The following PARD6B variants were observed in gnomAD, a reference collection of about 807,000 sequenced individuals.
PARD6B encodes the protein par-6 family cell polarity regulator beta.
PARD6B carries 4 observed loss-of-function variants against 10.5 expected under a neutral mutation model. The observed-to-expected ratio is 0.38, with a 90% confidence interval of 0.19 to 0.87. The LOEUF is 0.87. PARD6B is among the 40% of genes least tolerant of loss of function. PARD6B has a pLI of 0.41. For missense variants in PARD6B, 396 were observed against 470.6 expected (o/e 0.84, Z 1.47); for synonymous variants, 169 against 170.4 (o/e 0.99, Z 0.07).
At position 50,752,486 on chromosome 20, in the gene PARD6B, A is replaced by G; in HGVS notation, c.*1998A>G. The G allele has an allele frequency of 1.0e-6, 1 of 985,628 alleles. No individual in the cohort carries two copies. Among genetic ancestry groups the G allele is most frequent in the South Asian group, 4.7e-5 (1 of 21,288 alleles). 61.1% of individuals were successfully genotyped at this position (985,628 alleles called of 1,614,324 possible). On this transcript the variant is annotated 3_prime_UTR_variant, in exon 3 of 3. Coordinates refer to ENST00000371610, the MANE Select transcript of PARD6B (RefSeq NM_032521.3). ...ACTTTCCAATGCATCCACTTAGAACAAGCTAAGAGTAAGGCTGCTAACTTT... is the reference window on the plus strand; with the variant it reads ...ACTTTCCAATGCATCCACTTAGAACGAGCTAAGAGTAAGGCTGCTAACTTT...
chr20:50,743,317 GAC>G (rs2087541200), intron 2 of PARD6B, among the ~76,000 whole-genome samples: 1 of 152,144 alleles, frequency 6.6e-6, no homozygotes, highest in Non-Finnish European at 1.5e-5. Context: ...ATTGACACCA[GAC>G]ACATATGTTT....
intron 1 of PARD6B, 85 bp downstream of exon 1, chr20:50,731,937 G>A (rs2087473470): frequency 4.2e-6 from 5 of 1,189,702 alleles, no homozygotes; most frequent in Non-Finnish European, 5.4e-6. Context: ...AGCGCCGGGG[G>A]AGGCGACGGG....
At chr20:50,739,869 G>T (rs2123701800) in intron 2 of PARD6B, among the ~76,000 whole-genome samples, 1 of 24,966 alleles carries the variant, frequency 4.0e-5, no homozygotes, top group Middle Eastern at 0.038. Flanking sequence ...TAGAGGGGAA[G>T]GGTGGGGGGA....
At chr20:50,741,556 TC>T (rs1355423277) in intron 2 of PARD6B, among the ~76,000 whole-genome samples, 1 of 152,050 alleles carries the variant, frequency 6.6e-6, no homozygotes, top group Non-Finnish European at 1.5e-5. Context: ...ATGCATGCAC[TC>T]TTTTTTTTGT....
chr20:50,741,512 A>G (rs1359937962), intron 2 of PARD6B, among the ~76,000 whole-genome samples: 1 of 152,068 alleles, frequency 6.6e-6, no homozygotes, highest in African/African-American at 2.4e-5. Flanking sequence ...AGGTCGCAGC[A>G]TCTAAATCTG....
chr20:50,744,016 CTG>C (rs940909791), intron 2 of PARD6B, among the ~76,000 whole-genome samples: 2 of 150,966 alleles, frequency 1.3e-5, no homozygotes, highest in Non-Finnish European at 1.5e-5. Flanking sequence ...CCTATTAAAA[CTG>C]TGTTCTAGTT....
At position 50,749,765 on chromosome 20, in the gene PARD6B, C is replaced by A. The variant is rs918694281; in HGVS notation, c.396C>A (p.Val132=). 6 of 1,614,050 alleles carry A rather than the reference C, an allele frequency of 3.7e-6. No individual in the cohort carries two copies. In the African/African-American group the frequency reaches 8.0e-5, roughly 22 times the overall value. The change falls in exon 3 of 3, where the codon GTC becomes GTA. Residue 132 remains valine (V), a synonymous_variant. Transcript: ENST00000371610. ...PDNHRKKPHI[V]ISMPQDFRPV... is the part of the protein sequence containing the mutation. ...ACCATAGAAAAAAGCCACATATAGT[C>A]ATTAGTATGCCCCAAGACTTTAGAC...
chr20:50,737,074 C>T, intron 1 of PARD6B, among the ~76,000 whole-genome samples: 1 of 151,806 alleles, frequency 6.6e-6, no homozygotes, highest in East Asian at 1.9e-4. Context: ...AAACAGACTT[C>T]AGAATCAGAA....
At chr20:50,735,858 G>C (rs1211895270) in intron 1 of PARD6B, among the ~76,000 whole-genome samples, 1 of 152,208 alleles carries the variant, frequency 6.6e-6, no homozygotes, top group Non-Finnish European at 1.5e-5. Context: ...TCATACATCA[G>C]GGGAAGTGAT....
rs11467364 is a variant in PARD6B, at chr20:50,751,350, CTTTTTTTTTT to C, written c.*876_*885del. 7 of 706,990 alleles carry C rather than the reference CTTTTTTTTTT, an allele frequency of 9.9e-6. No individual in the cohort carries two copies. Among genetic ancestry groups the C allele is most frequent in the Non-Finnish European group, 1.1e-5 (7 of 624,784 alleles). The allele number at this position is 706,990 out of a possible 1,614,324, so 43.8% of individuals were successfully genotyped here. On this transcript the variant is annotated 3_prime_UTR_variant, in exon 3 of 3. Coordinates refer to ENST00000371610, the MANE Select transcript of PARD6B (RefSeq NM_032521.3). Reference sequence around the variant, plus strand: ...ATTTCCAGTTTCTTTTCTTTTCTTTCTTTTTTTTTTTTTTTTTTTTTTTGAGATGGAGTCT... The same window carrying C: ...ATTTCCAGTTTCTTTTCTTTTCTTTCTTTTTTTTTTTTTGAGATGGAGTCT...
rs1600820916 is a variant in PARD6B at position 50,750,715 on chromosome 20, T to TA, written c.*228dup. 1 of 1,309,506 alleles carries TA rather than the reference T, an allele frequency of 7.6e-7. No homozygotes were observed. Among genetic ancestry groups the TA allele is most frequent in the South Asian group, 1.9e-5 (1 of 52,622 alleles). 81.1% of individuals were successfully genotyped at this position (1,309,506 alleles called of 1,614,324 possible). On this transcript the variant is annotated 3_prime_UTR_variant, in exon 3 of 3. Transcript: ENST00000371610. Reference sequence around the variant, plus strand: ...ACAAAGGGGCCTTTGCTGATGAAGTTACGTGCTTTTGCTGTTTTGTCTGTG... The same window carrying TA: ...ACAAAGGGGCCTTTGCTGATGAAGTTAACGTGCTTTTGCTGTTTTGTCTGTG...
intron 2 of PARD6B, among the ~76,000 whole-genome samples, chr20:50,740,009 A>G (rs1183325701): frequency 1.6e-5 from 1 of 64,160 alleles, no homozygotes; most frequent in East Asian, 7.0e-4. Flanking sequence ...CAGCTGGGAC[A>G]GTGTCATGAA....
intron 2 of PARD6B, among the ~76,000 whole-genome samples, chr20:50,748,064 C>T (rs967880180): frequency 3.9e-5 from 6 of 152,212 alleles, no homozygotes; most frequent in African/African-American, 1.4e-4. Context: ...TCCTGCTGGG[C>T]GAGGTGGCTC....
chr20:50,735,433 T>G (rs981413383), intron 1 of PARD6B, among the ~76,000 whole-genome samples: 1 of 152,190 alleles, frequency 6.6e-6, no homozygotes, highest in Non-Finnish European at 1.5e-5. Context: ...CATAGGCAAA[T>G]AGACTATGAA....
intron 1 of PARD6B, among the ~76,000 whole-genome samples, chr20:50,736,799 C>T (rs1212629524): frequency 6.6e-6 from 1 of 151,046 alleles, no homozygotes; most frequent in Non-Finnish European, 1.5e-5. Context: ...CTCCCAGATT[C>T]AAGAGAGTCT....
chr20:50,746,169 G>T (rs558343403), intron 2 of PARD6B, among the ~76,000 whole-genome samples: 12 of 152,032 alleles, frequency 7.9e-5, no homozygotes, highest in African/African-American at 2.9e-4. Flanking sequence ...CTCTGAATGT[G>T]TGGTTTATGA....
chr20:50,744,632 ACTCC>A (rs371678670), intron 2 of PARD6B, among the ~76,000 whole-genome samples: 30 of 143,724 alleles, frequency 2.1e-4, no homozygotes, highest in East Asian at 1.8e-3. Flanking sequence ...TCAGCTCCTG[ACTCC>A]CTCCCTCCCT....
chr20:50,731,707 TC>T lies in PARD6B; in HGVS notation c.-76del, dbSNP rs2087471567. On this transcript the variant is annotated 5_prime_UTR_variant, in exon 1 of 3. Coordinates refer to ENST00000371610, the MANE Select transcript of PARD6B (RefSeq NM_032521.3). ...CCCGGGCCGCAACCGCTTTCCGAGA[TC>T]CCCAGTCGCGCACTCGCTCCCCGCG... is the stretch of plus-strand genomic sequence containing the variant. 2.3e-6 allele frequency: 3 copies of T among 1,277,932 alleles called. No homozygotes were observed. The highest frequency in any genetic ancestry group is 6.4e-5 in the East Asian group (2 of 31,314). 79.2% of individuals were successfully genotyped at this position (1,277,932 alleles called of 1,614,324 possible). A position where few individuals can be genotyped will look rare whatever the true frequency, so the allele number is the denominator to read the frequency against.
In PARD6B at chr20:50,751,530, T is replaced by C; in HGVS notation, c.*1042T>C. 4.7e-6 allele frequency: 4 copies of C among 842,698 alleles called. No homozygotes were observed. The highest frequency in any genetic ancestry group is 5.7e-6 in the Non-Finnish European group (4 of 700,828). The allele number at this position is 842,698 out of a possible 1,614,324, so 52.2% of individuals were successfully genotyped here. A position where few individuals can be genotyped will look rare whatever the true frequency, so the allele number is the denominator to read the frequency against. On this transcript the variant is annotated 3_prime_UTR_variant, in exon 3 of 3. Transcript: ENST00000371610. Reference sequence around the variant, plus strand: ...GCCACCATGCCTGGCTAATTTTTAGTAGAGACGGGGTTTCGCAGTGTTAGC... The same window carrying C: ...GCCACCATGCCTGGCTAATTTTTAGCAGAGACGGGGTTTCGCAGTGTTAGC...
Sources: gnomAD v4.1 joint callset for allele counts (sites outside exome capture counted in the v4.1 genomes callset) on GRCh38, gnomAD v4.1.1 for gene constraint, MANE v1.5 for transcripts, NCBI Gene and HGNC (gene_info 2026-07-23, HGNC 2026-07-21) for gene names.